GNAI3: variants seen among roughly 807,000 people sequenced by gnomAD.
GNAI3 encodes guanine nucleotide-binding protein G(i) subunit alpha-3.
In GNAI3, 12 loss-of-function variants were observed where a neutral mutation model predicts 41.8. The ratio of observed to expected loss-of-function variants is 0.29; its 90% confidence interval spans 0.18 to 0.47. The LOEUF (loss-of-function observed/expected upper bound fraction) is 0.47, where lower values mean the gene tolerates loss of function less well. GNAI3 is among the 20% of genes least tolerant of loss of function. The probability of loss-of-function intolerance (pLI) is 1.00; values close to 1 mark genes in which losing one functional copy is unlikely to be tolerated. For missense variants in GNAI3, 360 were observed against 429.6 expected, an observed-to-expected ratio of 0.84 and a Z score of 1.43; for synonymous variants, 132 against 146.5, an observed-to-expected ratio of 0.90 and a Z score of 0.71.
intron 5 of GNAI3, among the ~76,000 whole-genome samples, chr1:109,585,784 A>C (rs1263603735): frequency 6.6e-6 from 1 of 152,212 alleles, no homozygotes. Context: ...GAGTGTTACA[A>C]GGGCAAAATG....
At chr1:109,586,381 G>A (rs774928099) in intron 6 of GNAI3, 36 bp downstream of exon 6, 2 of 1,576,446 alleles carry the variant, frequency 1.3e-6, no homozygotes, top group Non-Finnish European at 1.7e-6. Flanking sequence ...CCTGTCTAAT[G>A]TAGCCAGGAA....
rs983892172 is a variant in GNAI3 at position 109,592,763 on chromosome 1, A to G, written c.*441A>G. 3.3e-5 allele frequency: 5 copies of G among 153,244 alleles called. No homozygotes were observed. The highest frequency in any genetic ancestry group is 6.5e-5 in the Admixed American group (1 of 15,366). 9.5% of individuals were successfully genotyped at this position (153,244 alleles called of 1,614,324 possible). ...AAAAGAATCTTTATTAAAACAAACA[A>G]TCTTAACTATGCACATGATGTGACC... On this transcript the variant is annotated 3_prime_UTR_variant, in exon 9 of 9. Coordinates refer to ENST00000369851, the MANE Select transcript of GNAI3 (RefSeq NM_006496.4).
chr1:109,559,664 G>A (rs1208062362), intron 1 of GNAI3, among the ~76,000 whole-genome samples: 1 of 152,174 alleles, frequency 6.6e-6, no homozygotes, highest in Non-Finnish European at 1.5e-5. Context: ...TACCCCTAAT[G>A]TACATGTTCA....
Position 109,582,559 on chromosome 1 carries a change from A to G in GNAI3, c.584A>G (p.Tyr195Cys), listed in dbSNP as rs1298539052. Reference protein sequence around the residue: ...VETHFTFKDLYFKMFDVGGQR... With the variant: ...VETHFTFKDLCFKMFDVGGQR... Reference sequence around the variant, plus strand: ...ACACATTTCACCTTCAAAGACCTATACTTCAAGTAAGTCATTAGCCTTTTT... The same window carrying G: ...ACACATTTCACCTTCAAAGACCTATGCTTCAAGTAAGTCATTAGCCTTTTT... Residue 195 changes from tyrosine to cysteine, a missense_variant, in exon 5 of 9, where the codon TAC becomes TGC. Tyr to Cys is a radical substitution (Grantham distance 194). Transcript: ENST00000369851. 3.1e-6 allele frequency: 5 copies of G among 1,606,178 alleles called. No individual in the cohort carries two copies. The African/African-American group carries it at 6.7e-5, about 21-fold the overall frequency.
intron 3 of GNAI3, among the ~76,000 whole-genome samples, chr1:109,576,882 A>C (rs1377857767): frequency 6.6e-6 from 1 of 152,184 alleles, no homozygotes; most frequent in East Asian, 1.9e-4. Flanking sequence ...AGAGCAGGTC[A>C]GTGGAAGAAA....
At chr1:109,576,576 T>C (rs1432123473) in intron 3 of GNAI3, among the ~76,000 whole-genome samples, 3 of 151,300 alleles carry the variant, frequency 2.0e-5, no homozygotes, top group African/African-American at 4.9e-5. Flanking sequence ...TGGAGTGCAA[T>C]GGTGTGACCT....
In GNAI3 at chr1:109,597,560, TAAG is replaced by T. The variant is rs886592283; in HGVS notation, c.*5242_*5244del. ...TAGTGAGTGATCTATTTTTTGCCAA[TAAG>T]AAGTACCATTTGTACATGACTTAAA... On this transcript the variant is annotated 3_prime_UTR_variant, in exon 9 of 9. Transcript: ENST00000369851. 3.9e-5 allele frequency: 6 copies of T among 151,938 alleles called. No homozygotes were observed. Among genetic ancestry groups the T allele is most frequent in the Admixed American group, 1.3e-4 (2 of 15,260 alleles). 9.4% of individuals were successfully genotyped at this position (151,938 alleles called of 1,614,324 possible).
At chr1:109,574,789 CACTG>C (rs1648693980) in intron 3 of GNAI3, among the ~76,000 whole-genome samples, 1 of 152,156 alleles carries the variant, frequency 6.6e-6, no homozygotes, top group South Asian at 2.1e-4. Flanking sequence ...CTAAGGGACT[CACTG>C]GCTGTGTTCA....
At chr1:109,577,274 T>G (rs1213660057) in intron 3 of GNAI3, among the ~76,000 whole-genome samples, 3 of 150,464 alleles carry the variant, frequency 2.0e-5, no homozygotes, top group Admixed American at 2.0e-4. Context: ...AAGGTGTTTT[T>G]TTTGTTTTTT....
intron 1 of GNAI3, among the ~76,000 whole-genome samples, chr1:109,565,234 G>C (rs1648419251): frequency 6.7e-6 from 1 of 148,748 alleles, no homozygotes; most frequent in African/African-American, 2.5e-5. Flanking sequence ...CTGGGTGACA[G>C]AGTGAGACTC....
At chr1:109,561,726 AAG>A (rs541494344) in intron 1 of GNAI3, among the ~76,000 whole-genome samples, 5 of 152,032 alleles carry the variant, frequency 3.3e-5, no homozygotes, top group Middle Eastern at 3.2e-3. Flanking sequence ...TGTAAGGAGG[AAG>A]AGAGAGAGAG....
In GNAI3 at chr1:109,588,306, C is replaced by T. The variant is rs190925092; in HGVS notation, c.874+1424C>T. Among the ~76,000 whole-genome samples the T allele has an allele frequency of 7.5e-3, 1,131 of 150,934 alleles. 13 individuals carry two copies. Among genetic ancestry groups the T allele is most frequent in the African/African-American group, 0.025 (1,040 of 40,988 alleles). ...CTGAGGCAGGAGAATGGCATGAACC[C>T]GGGAGGCAGAGCTTGCAGTGAGCCG... On this transcript the variant is annotated intron_variant, in intron 7 of 8. Transcript: ENST00000369851.
rs557803691 is a variant in GNAI3 at position 109,599,175 on chromosome 1, C to T, written c.*6853C>T. The T allele has an allele frequency of 9.9e-6, 2 of 202,270 alleles. No individual in the cohort carries two copies. The highest frequency in any genetic ancestry group is 2.7e-4 in the East Asian group (2 of 7,412). The allele number at this position is 202,270 out of a possible 1,614,324, so 12.5% of individuals were successfully genotyped here. ...AACTTTTGTGCCGCTTTTATCCATT[C>T]TTCCTTTTATCCACAGAAATACAAA... On this transcript the variant is annotated 3_prime_UTR_variant, in exon 9 of 9. Transcript: ENST00000369851.
chr1:109,570,416 A>G (rs1170306502), intron 1 of GNAI3, among the ~76,000 whole-genome samples: 5 of 152,224 alleles, frequency 3.3e-5, no homozygotes, highest in African/African-American at 1.2e-4. Flanking sequence ...GGCCCTGGGA[A>G]TGCAGGGATG....
chr1:109,555,250 C>T (rs1037132852), intron 1 of GNAI3, among the ~76,000 whole-genome samples: 6 of 152,066 alleles, frequency 3.9e-5, no homozygotes, highest in Non-Finnish European at 8.8e-5. Context: ...AAAGAACAAA[C>T]CTAGAGGCAT....
chr1:109,563,791 T>C (rs1414287065), intron 1 of GNAI3, among the ~76,000 whole-genome samples: 2 of 152,162 alleles, frequency 1.3e-5, no homozygotes, highest in Admixed American at 1.3e-4. Flanking sequence ...TCATTACATG[T>C]TTTACCCTCT....
rs1649396749 is a variant in GNAI3 at position 109,599,698 on chromosome 1, A to G, written c.*7376A>G. ...TCAACAAACAAGCAAACTTAGTTAT[A>G]TTTTTGTGATTTTATGCTGTTTTCA... On this transcript the variant is annotated 3_prime_UTR_variant, in exon 9 of 9. Transcript: ENST00000369851. 1 of 152,186 alleles carries G rather than the reference A, an allele frequency of 6.6e-6. No homozygotes were observed. The highest frequency in any genetic ancestry group is 1.5e-5 in the Non-Finnish European group (1 of 68,036). The allele number at this position is 152,186 out of a possible 1,614,324, so 9.4% of individuals were successfully genotyped here. A position where few individuals can be genotyped will look rare whatever the true frequency, so the allele number is the denominator to read the frequency against.
chr1:109,576,132 G>A (rs1648737113), intron 3 of GNAI3, among the ~76,000 whole-genome samples: 1 of 152,006 alleles, frequency 6.6e-6, no homozygotes, highest in Admixed American at 6.6e-5. Flanking sequence ...GTAACGGTAC[G>A]ATTTTGGCTC....
intron 7 of GNAI3, 45 bp downstream of exon 7, chr1:109,586,927 A>G: frequency 1.5e-6 from 2 of 1,308,390 alleles, no homozygotes; most frequent in Non-Finnish European, 2.2e-6. Context: ...CATCTTACTT[A>G]GATCAACACT....
Sources: gnomAD v4.1 joint callset for allele counts (sites outside exome capture counted in the v4.1 genomes callset) on GRCh38, gnomAD v4.1.1 for gene constraint, MANE v1.5 for transcripts, NCBI Gene and HGNC (gene_info 2026-07-23, HGNC 2026-07-21) for gene names.